The following DLG2 variants were observed in gnomAD, a reference collection of about 807,000 sequenced individuals.
DLG2 encodes the protein discs large MAGUK scaffold protein 2.
A neutral mutation model predicts 132.5 loss-of-function variants in DLG2; 45 were observed. That is an observed-to-expected ratio of 0.34 (90% CI 0.27 to 0.44). The LOEUF (loss-of-function observed/expected upper bound fraction) is 0.44. Ranked by LOEUF, DLG2 falls within the 20% of genes least tolerant of loss-of-function variation. The pLI is 1.00. For synonymous variants in DLG2, 424 were observed against 419.6 expected (o/e 1.01, Z -0.13); for missense variants, 1,045 against 1,196.9 (o/e 0.87, Z 1.87).
chr11:83,471,099 C>T (rs889614949), intron 24 of DLG2, among the ~76,000 whole-genome samples: 3 of 152,042 alleles, frequency 2.0e-5, no homozygotes, highest in Non-Finnish European at 2.9e-5. Context: ...AGTTTAAAGT[C>T]TGTAATGGCC....
rs186403490 is a variant in DLG2, at chr11:84,376,267, T to C, written c.520-124976A>G. Among the ~76,000 whole-genome samples the C allele has an allele frequency of 6.8e-3, 1,031 of 152,038 alleles. 3 individuals carry two copies. The highest frequency in any genetic ancestry group is 0.013 in the Admixed American group (194 of 15,238). ...ACAAATGTCTTATTACCCATATTAG[T>C]TTTTGCTATGTAAAGGAGATTGAGG... On this transcript the variant is annotated intron_variant, in intron 7 of 27. Transcript: ENST00000376104.
At chr11:84,128,605 T>C (rs1248929615) in intron 9 of DLG2, among the ~76,000 whole-genome samples, 1 of 152,146 alleles carries the variant, frequency 6.6e-6, no homozygotes, top group Non-Finnish European at 1.5e-5. Flanking sequence ...AGGTTTCTTT[T>C]AAATTTTTTC....
intron 7 of DLG2, among the ~76,000 whole-genome samples, chr11:84,469,118 A>C (rs2099102001): frequency 6.6e-6 from 1 of 151,646 alleles, no homozygotes; most frequent in Admixed American, 6.6e-5. Context: ...TGGTATAACT[A>C]TTTCTAATAT....
intron 4 of DLG2, among the ~76,000 whole-genome samples, chr11:85,242,054 T>C (rs1304143014): frequency 6.6e-6 from 1 of 151,918 alleles, no homozygotes; most frequent in African/African-American, 2.4e-5. Flanking sequence ...AGGTCATTTA[T>C]ATGGATATTC....
chr11:84,852,567 G>C (rs986452348), intron 6 of DLG2, among the ~76,000 whole-genome samples: 2 of 151,958 alleles, frequency 1.3e-5, no homozygotes, highest in Non-Finnish European at 2.9e-5. Context: ...GTAATAAATA[G>C]TCCTGATCTT....
intron 3 of DLG2, among the ~76,000 whole-genome samples, chr11:85,473,663 A>G (rs190477251): frequency 8.7e-4 from 133 of 152,186 alleles, no homozygotes; most frequent in African/African-American, 3.1e-3. Context: ...ATCAAAAAAT[A>G]GAATAAATAA....
chr11:84,626,458 G>T (rs2099622654), intron 6 of DLG2, among the ~76,000 whole-genome samples: 3 of 152,174 alleles, frequency 2.0e-5, no homozygotes. Context: ...GTGCACATTG[G>T]GAAGCATGTG....
intron 3 of DLG2, among the ~76,000 whole-genome samples, chr11:85,498,274 G>A (rs2093714824): frequency 6.6e-6 from 1 of 152,092 alleles, no homozygotes; most frequent in Admixed American, 6.6e-5. Flanking sequence ...AGCAGGGATT[G>A]AAATCCTAGT....
chr11:84,884,304 T>C (rs2087861732), intron 6 of DLG2, among the ~76,000 whole-genome samples: 1 of 149,468 alleles, frequency 6.7e-6, no homozygotes, highest in Non-Finnish European at 1.5e-5. Context: ...GAGGTCTTAG[T>C]GTGATGGATT....
At chr11:84,024,718 G>C (rs2095491759) in intron 11 of DLG2, among the ~76,000 whole-genome samples, 1 of 152,014 alleles carries the variant, frequency 6.6e-6, no homozygotes, top group South Asian at 2.1e-4. Flanking sequence ...CATCAAAGCA[G>C]AGAGTAGAAT....
chr11:84,003,811 A>G (rs752470999), intron 11 of DLG2, among the ~76,000 whole-genome samples: 8 of 152,180 alleles, frequency 5.3e-5, no homozygotes, highest in Admixed American at 1.3e-4. Context: ...ACTATTAGGA[A>G]CAACTATGTG....
At chr11:83,850,157 T>TGTGTGTGTGG (rs1161184342) in intron 16 of DLG2, among the ~76,000 whole-genome samples, 4 of 124,420 alleles carry the variant, frequency 3.2e-5, no homozygotes, top group African/African-American at 1.8e-4. Context: ...TGTGTGTGTG[T>TGTGTGTGTGG]GTGTTTTTTT....
intron 6 of DLG2, among the ~76,000 whole-genome samples, chr11:84,796,041 T>C (rs560390152): frequency 6.6e-6 from 1 of 152,280 alleles, no homozygotes; most frequent in East Asian, 1.9e-4. Context: ...CCAGGCCAGA[T>C]GGGCAGAACA....
chr11:85,495,794 G>T (rs978568532), intron 3 of DLG2, among the ~76,000 whole-genome samples: 1 of 152,130 alleles, frequency 6.6e-6, no homozygotes, highest in Non-Finnish European at 1.5e-5. Context: ...TATACCCAAA[G>T]TATTATAAAT....
intron 4 of DLG2, among the ~76,000 whole-genome samples, chr11:85,207,453 A>G (rs780635514): frequency 7.9e-5 from 12 of 152,102 alleles, no homozygotes; most frequent in Non-Finnish European, 1.6e-4. Context: ...CTCCTTCTAT[A>G]TTTTTTATTC....
At chr11:84,630,979 T>TTCTCTCTCTC (rs369904915) in intron 6 of DLG2, among the ~76,000 whole-genome samples, 285 of 51,036 alleles carry the variant, frequency 5.6e-3, no homozygotes, top group Non-Finnish European at 6.9e-3. Context: ...TTAAATGCAT[T>TTCTCTCTCTC]TCTCTCTCTC....
At chr11:85,008,642 G>C (rs991113837) in intron 6 of DLG2, among the ~76,000 whole-genome samples, 1 of 152,022 alleles carries the variant, frequency 6.6e-6, no homozygotes, top group Admixed American at 6.6e-5. Flanking sequence ...GACACTATTA[G>C]TTTAACTATA....
At chr11:85,325,092 TATATCCC>T (rs1265336436) in intron 3 of DLG2, among the ~76,000 whole-genome samples, 1 of 130,294 alleles carries the variant, frequency 7.7e-6, no homozygotes, top group Non-Finnish European at 1.6e-5. Flanking sequence ...ACCACGAGAC[TATATCCC>T]ACACCTGGCT....
rs531596478 is a variant in DLG2, at chr11:84,991,382, G to A, written c.357+120279C>T. On this transcript the variant is annotated intron_variant, in intron 6 of 27. Transcript: ENST00000376104. ...AAATGAGCTGAGCAGGGTGGCACTC[G>A]CCTCTTGTCCCAGCTACTCAGAAGG... is the stretch of plus-strand genomic sequence containing the variant. 1.3e-4 allele frequency among the ~76,000 whole-genome samples: 19 copies of A among 151,830 alleles called. 1 individual carries two copies. In the East Asian group the frequency reaches 2.9e-3, roughly 23 times the overall value.
Sources: allele counts gnomAD v4.1 joint callset (sites outside exome capture counted in the v4.1 genomes callset), GRCh38; gene constraint gnomAD v4.1.1; transcripts MANE v1.5; gene names NCBI Gene and HGNC (gene_info 2026-07-23, HGNC 2026-07-21).